The following PTPN13 variants were observed in gnomAD, a reference collection of about 807,000 sequenced individuals.
The protein encoded by PTPN13 is protein tyrosine phosphatase non-receptor type 13.
PTPN13 carries 191 observed loss-of-function variants against 284.0 expected under a neutral mutation model. That is an observed-to-expected ratio of 0.67 (90% CI 0.60 to 0.76). The LOEUF is 0.76. PTPN13 is among the 30% of genes least tolerant of loss of function. The pLI is 0.00. For synonymous variants in PTPN13, 986 were observed against 1,022.3 expected (o/e 0.96, Z 0.68); for missense variants, 2,797 against 2,939.9 (o/e 0.95, Z 1.12).
At chr4:86,697,242 C>T (rs186139944) in intron 6 of PTPN13, among the ~76,000 whole-genome samples, 1 of 152,142 alleles carries the variant, frequency 6.6e-6, no homozygotes, top group Non-Finnish European at 1.5e-5. Flanking sequence ...GTGCACCAAC[C>T]TAAAATCTGT....
chr4:86,683,897 A>G (rs145829890), intron 3 of PTPN13, among the ~76,000 whole-genome samples: 129 of 152,314 alleles, frequency 8.5e-4, no homozygotes, highest in Non-Finnish European at 1.7e-3. Context: ...ACTATGAAAA[A>G]TGTTTTTCAT....
chr4:86,674,065 G>A lies in PTPN13; in HGVS notation c.294+1522G>A, dbSNP rs191578483. Among the ~76,000 whole-genome samples the A allele has an allele frequency of 1.4e-3, 218 of 152,198 alleles. 1 individual carries two copies. The highest frequency in any genetic ancestry group is 5.1e-3 in the African/African-American group (210 of 41,530). On this transcript the variant is annotated intron_variant, in intron 3 of 47. Transcript: ENST00000411767. ...AAATGGCATAATGATTTATTTGATGGCATAATGAAGAAGTGAAGGTTTAAA... is the reference window on the plus strand; with the variant it reads ...AAATGGCATAATGATTTATTTGATGACATAATGAAGAAGTGAAGGTTTAAA...
Position 86,785,265 on chromosome 4 carries a change from T to C in PTPN13, c.6153T>C (p.Asp2051=), listed in dbSNP as rs781740614. Reference sequence around the variant, plus strand: ...TACAAGAAGATGACATTTATGATGATTCCCAAGAAGCTGAAGTTATCCAGT... The same window carrying C: ...TACAAGAAGATGACATTTATGATGACTCCCAAGAAGCTGAAGTTATCCAGT... ...SYIQEDDIYD[D]SQEAEVIQSL... is the part of the protein sequence containing the mutation. The change falls in exon 39 of 48, where the codon GAT becomes GAC. Residue 2051 remains aspartate, a synonymous_variant. Transcript: ENST00000411767. 25 of 1,584,012 alleles carry C rather than the reference T, an allele frequency of 1.6e-5. No homozygotes were observed. In the South Asian group the frequency reaches 2.7e-4, roughly 17 times the overall value.
At chr4:86,717,173 A>G in intron 9 of PTPN13, 56 bp downstream of exon 9, 1 of 1,182,780 alleles carries the variant, frequency 8.5e-7, no homozygotes, top group Non-Finnish European at 1.2e-6. Context: ...TTTGTTTTTT[A>G]TTTGAATTAA....
chr4:86,737,734 C>CT (rs909758077), intron 15 of PTPN13, among the ~76,000 whole-genome samples: 7 of 150,976 alleles, frequency 4.6e-5, no homozygotes, highest in Non-Finnish European at 1.0e-4. Flanking sequence ...TAGAATAATA[C>CT]TTTTTTTTGT....
chr4:86,697,756 GC>G lies in PTPN13; in HGVS notation c.635-3483del, dbSNP rs572975974. Reference sequence around the variant, plus strand: ...GGGGAGCCTCTTTTAATATTGAAATGCCATTTCGAAGTTTACTTCTAAGAGA... The same window carrying G: ...GGGGAGCCTCTTTTAATATTGAAATGCATTTCGAAGTTTACTTCTAAGAGA... On this transcript the variant is annotated intron_variant, in intron 6 of 47. Transcript: ENST00000411767. 1.2e-3 allele frequency among the ~76,000 whole-genome samples: 184 copies of G among 152,246 alleles called. 3 individuals carry two copies. Among genetic ancestry groups the G allele is most frequent in the African/African-American group, 4.2e-3 (176 of 41,574 alleles).
In PTPN13 at chr4:86,722,311, C is replaced by G; in HGVS notation, c.1485C>G (p.Ala495=). ...TGATGCAGCTACAAGCCAAAATGGC[C>G]CTTAGACAGTCTCGGTTGAGCCTAT... ...EELMQLQAKM[A]LRQSRLSLYP... is the part of the protein sequence containing the mutation. The change falls in exon 10 of 48, where the codon GCC becomes GCG. Residue 495 remains alanine (A), a synonymous_variant. Transcript: ENST00000411767. 6.2e-7 allele frequency: 1 copy of G among 1,613,560 alleles called. No homozygotes were observed. The highest frequency in any genetic ancestry group is 8.5e-7 in the Non-Finnish European group (1 of 1,179,696).
intron 6 of PTPN13, among the ~76,000 whole-genome samples, chr4:86,696,424 A>G (rs1730603140): frequency 6.6e-6 from 1 of 152,014 alleles, no homozygotes. Flanking sequence ...TATGTTAAAC[A>G]TTAAGTTGTA....
At chr4:86,675,303 A>G (rs1456570166) in intron 3 of PTPN13, among the ~76,000 whole-genome samples, 6 of 152,160 alleles carry the variant, frequency 3.9e-5, no homozygotes, top group African/African-American at 1.4e-4. Context: ...CTTAAGTGTA[A>G]CTCTAAATAC....
chr4:86,736,311 G>A (rs148635678), intron 15 of PTPN13, among the ~76,000 whole-genome samples: 59 of 152,236 alleles, frequency 3.9e-4, no homozygotes, highest in African/African-American at 1.3e-3. Context: ...GTACATTTAC[G>A]ATCAAGAAAA....
chr4:86,595,802 T>C, intron 1 of PTPN13: 2 of 974,782 alleles, frequency 2.1e-6, no homozygotes, highest in Non-Finnish European at 2.4e-6. Flanking sequence ...TAATTATAAA[T>C]TTTAAGATTT....
Position 86,771,438 on chromosome 4 carries a change from C to G in PTPN13, c.5071C>G (p.Gln1691Glu). ...QTLSNMVSQA[Q>E]SHHEAPKSQE... The stretch of plus-strand genomic sequence containing the variant: ...TCTAAGCAACATGGTATCACAGGCA[C>G]AGAGTCATCATGAAGCACCCAAGAG... The change falls in exon 31 of 48, where the codon CAG becomes GAG. Residue 1691 changes from glutamine to glutamate, a missense_variant. By Grantham distance (29) the Gln-to-Glu change is conservative. Coordinates refer to ENST00000411767, the MANE Select transcript of PTPN13 (RefSeq NM_080683.3). The G allele has an allele frequency of 6.4e-7, 1 of 1,565,576 alleles. No homozygotes were observed. The highest frequency in any genetic ancestry group is 8.7e-7 in the Non-Finnish European group (1 of 1,153,566).
chr4:86,596,922 T>TA (rs1487130503), intron 1 of PTPN13, among the ~76,000 whole-genome samples: 3 of 152,210 alleles, frequency 2.0e-5, no homozygotes, highest in Non-Finnish European at 4.4e-5. Context: ...AACACAACCA[T>TA]ACTCCAAGCC....
chr4:86,637,846 A>G (rs879495106), intron 2 of PTPN13, among the ~76,000 whole-genome samples: 1,671 of 147,340 alleles, frequency 0.011, 10 homozygotes, highest in Non-Finnish European at 0.014. Context: ...TAGGCAGGAG[A>G]AGGAAATAAA....
intron 2 of PTPN13, among the ~76,000 whole-genome samples, chr4:86,650,722 G>T (rs1443621205): frequency 1.3e-5 from 2 of 152,034 alleles, no homozygotes; most frequent in Non-Finnish European, 2.9e-5. Flanking sequence ...TTGTCATATT[G>T]TTTGCCATTG....
intron 2 of PTPN13, among the ~76,000 whole-genome samples, chr4:86,663,861 C>T (rs538268867): frequency 1.3e-5 from 2 of 152,092 alleles, no homozygotes; most frequent in Non-Finnish European, 2.9e-5. Flanking sequence ...GCCTTACTTA[C>T]AGCTTTGTAA....
chr4:86,639,227 T>C (rs963927512), intron 2 of PTPN13, among the ~76,000 whole-genome samples: 7 of 151,796 alleles, frequency 4.6e-5, no homozygotes, highest in Admixed American at 2.0e-4. Flanking sequence ...ACACTGTTGG[T>C]GGGACTGTAA....
At chr4:86,648,241 ACTCTT>A in intron 2 of PTPN13, among the ~76,000 whole-genome samples, 1 of 151,908 alleles carries the variant, frequency 6.6e-6, no homozygotes, top group South Asian at 2.1e-4. Flanking sequence ...TTCAAATTCT[ACTCTT>A]TTAGTTATTC....
intron 21 of PTPN13, 148 bp from the exon 22 acceptor site, chr4:86,758,530 A>G (rs1738279224): frequency 1.1e-6 from 1 of 913,468 alleles, no homozygotes; most frequent in Non-Finnish European, 1.6e-6. Context: ...AGAAATGCCT[A>G]CAAGAAATAC....
Sources: allele counts gnomAD v4.1 joint callset (sites outside exome capture counted in the v4.1 genomes callset), GRCh38; gene constraint gnomAD v4.1.1; transcripts MANE v1.5; gene names NCBI Gene and HGNC (gene_info 2026-07-23, HGNC 2026-07-21).